The following DHRS1 variants were observed in gnomAD, a reference collection of about 807,000 sequenced individuals.
DHRS1 encodes dehydrogenase/reductase SDR family member 1.
Under a neutral mutation model 35.2 loss-of-function variants are expected in DHRS1, and 34 were observed. That is an observed-to-expected ratio of 0.97 (90% CI 0.74 to 1.29). DHRS1 has a LOEUF of 1.29. Among genes scored for constraint, DHRS1 ranks in the 50% most tolerant of loss-of-function variants. DHRS1 has a pLI of 0.00. For missense variants in DHRS1, 354 were observed against 403.6 expected, an observed-to-expected ratio of 0.88 and a Z score of 1.05; for synonymous variants, 133 against 160.0, an observed-to-expected ratio of 0.83 and a Z score of 1.27.
intron 7 of DHRS1, 110 bp from the exon 8 acceptor site, chr14:24,291,329 T>C (rs1405082510): frequency 8.2e-7 from 1 of 1,226,648 alleles, no homozygotes; most frequent in Non-Finnish European, 1.2e-6. Context: ...TCAGGATCCC[T>C]GGAGAGCTCT....
chr14:24,292,644 G>T lies in DHRS1; in HGVS notation c.507+8C>A. ...ACCTCCTCAGCTCCTATGCCACTGGGTCCTCACCGCAGCTTTGCCCACACC... is the reference window on the plus strand; with the variant it reads ...ACCTCCTCAGCTCCTATGCCACTGGTTCCTCACCGCAGCTTTGCCCACACC... On this transcript the variant is annotated splice_region_variant and intron_variant, in intron 5 of 8. Coordinates refer to ENST00000288111, the MANE Select transcript of DHRS1 (RefSeq NM_001136050.3). 6.2e-7 allele frequency: 1 copy of T among 1,614,190 alleles called. No individual in the cohort carries two copies. The highest frequency in any genetic ancestry group is 8.5e-7 in the Non-Finnish European group (1 of 1,180,030).
At chr14:24,291,694 C>T in intron 6 of DHRS1, 69 bp from the exon 7 acceptor site, 1 of 1,488,624 alleles carries the variant, frequency 6.7e-7, no homozygotes, top group Non-Finnish European at 9.4e-7. Context: ...CTCCCCATTT[C>T]AACTTCTGTT....
At chr14:24,291,749 C>T in intron 6 of DHRS1, 124 bp from the exon 7 acceptor site, 1 of 1,041,052 alleles carries the variant, frequency 9.6e-7, no homozygotes. Context: ...AGACCTCAAG[C>T]AGGGCCTGTA....
intron 4 of DHRS1, chr14:24,293,592 A>ATAAATAAATAAAT (rs55889270): frequency 1.3e-5 from 2 of 151,610 alleles, no homozygotes; most frequent in Non-Finnish European, 2.9e-5. Flanking sequence ...AAATAAATAA[A>ATAAATAAATAAAT]AAGAAAGAGA....
Position 24,290,777 on chromosome 14 carries a change from A to C in DHRS1, c.*82T>G. ...TATCAAGGGTATGGGTAAACAAGAAAGGCTGCTGTTTCACTGAGACAGGAC... is the reference window on the plus strand; with the variant it reads ...TATCAAGGGTATGGGTAAACAAGAACGGCTGCTGTTTCACTGAGACAGGAC... On this transcript the variant is annotated 3_prime_UTR_variant, in exon 9 of 9. Transcript: ENST00000288111. 2 of 1,558,254 alleles carry C rather than the reference A, an allele frequency of 1.3e-6. No homozygotes were observed. Among genetic ancestry groups the C allele is most frequent in the Non-Finnish European group, 1.8e-6 (2 of 1,135,430 alleles).
intron 4 of DHRS1, chr14:24,293,094 A>G (rs2041191043): frequency 3.2e-6 from 1 of 313,516 alleles, no homozygotes; most frequent in Non-Finnish European, 5.8e-6. Context: ...TAGTGTCTAC[A>G]TAGAAAAACT....
At chr14:24,299,194 G>T in intron 1 of DHRS1, 64 bp from the exon 2 acceptor site, 1 of 1,435,140 alleles carries the variant, frequency 7.0e-7, no homozygotes, top group Non-Finnish European at 9.3e-7. Context: ...GGGCGAGGTT[G>T]GGGGGTAGGG....
intron 5 of DHRS1, 57 bp downstream of exon 5, chr14:24,292,595 C>A (rs1310791317): frequency 1.2e-6 from 2 of 1,613,792 alleles, no homozygotes; most frequent in Non-Finnish European, 1.7e-6. Context: ...ACCTCCTGAG[C>A]TATAGGTAAC....
At chr14:24,298,468 A>G (rs1423672415) in intron 2 of DHRS1, among the ~76,000 whole-genome samples, 1 of 152,266 alleles carries the variant, frequency 6.6e-6, no homozygotes, top group East Asian at 1.9e-4. Flanking sequence ...GAAGTCTAGT[A>G]AATAAGTAAA....
intron 4 of DHRS1, chr14:24,294,368 A>G (rs998774610): frequency 1.3e-5 from 2 of 152,140 alleles, no homozygotes; most frequent in African/African-American, 4.8e-5. Flanking sequence ...TGGGTAGATC[A>G]CTTGAGATCA....
At chr14:24,292,086 C>T in intron 6 of DHRS1, 98 bp downstream of exon 6, 2 of 1,476,078 alleles carry the variant, frequency 1.4e-6, no homozygotes, top group Non-Finnish European at 9.4e-7. Context: ...GCACCTGCCA[C>T]AGTAAGCACC....
intron 5 of DHRS1, 96 bp from the exon 6 acceptor site, chr14:24,292,426 G>C: frequency 6.4e-7 from 1 of 1,551,182 alleles, no homozygotes; most frequent in Non-Finnish European, 8.7e-7. Flanking sequence ...CACCCACCCT[G>C]TCCTTCCCAG....
chr14:24,291,273 A>C, intron 7 of DHRS1, 54 bp from the exon 8 acceptor site: 1 of 1,582,142 alleles, frequency 6.3e-7, no homozygotes, highest in Non-Finnish European at 8.7e-7. Flanking sequence ...GCAGAGTGAC[A>C]AGGTTTGGGC....
chr14:24,291,098 G>A (rs997121611), intron 8 of DHRS1, 41 bp downstream of exon 8: 1 of 1,613,582 alleles, frequency 6.2e-7, no homozygotes, highest in Non-Finnish European at 8.5e-7. Flanking sequence ...GGGAACAGAG[G>A]GAACAGCAGT....
At chr14:24,297,994 T>C (rs1444676618) in intron 2 of DHRS1, among the ~76,000 whole-genome samples, 1 of 152,204 alleles carries the variant, frequency 6.6e-6, no homozygotes, top group African/African-American at 2.4e-5. Flanking sequence ...CACATTACAT[T>C]GAAGTGACTG....
In DHRS1 at chr14:24,291,138, C is replaced by T; in HGVS notation, c.805+1G>A. The stretch of plus-strand genomic sequence containing the variant: ...GCTGACTGCTGTGCCAGGGTCCTCA[C>T]CGTCCACATCCCGAAGGCCATAGCG... On this transcript the variant is annotated splice_donor_variant, in intron 8 of 8. Transcript: ENST00000288111. LOFTEE classifies it high-confidence loss of function. The T allele has an allele frequency of 6.2e-7, 1 of 1,614,136 alleles. No homozygotes were observed. The highest frequency in any genetic ancestry group is 1.3e-5 in the African/African-American group (1 of 75,038).
intron 3 of DHRS1, 33 bp from the exon 4 acceptor site, chr14:24,296,621 G>A: frequency 1.2e-6 from 2 of 1,613,880 alleles, no homozygotes; most frequent in Non-Finnish European, 1.7e-6. Context: ...TGAATGATCT[G>A]AAGGTAGGGA....
chr14:24,295,229 A>ATT (rs567245872), intron 4 of DHRS1, among the ~76,000 whole-genome samples: 1 of 152,204 alleles, frequency 6.6e-6, no homozygotes, highest in Non-Finnish European at 1.5e-5. Context: ...ATGCCAGGCT[A>ATT]TTAATAGTAG....
chr14:24,293,694 T>G (rs561290536), intron 4 of DHRS1: 38 of 151,894 alleles, frequency 2.5e-4, no homozygotes, highest in Non-Finnish European at 4.9e-4. Flanking sequence ...TCACCCATAT[T>G]AAAATGCACA....
Sources: allele counts gnomAD v4.1 joint callset (sites outside exome capture counted in the v4.1 genomes callset), GRCh38; gene constraint gnomAD v4.1.1; transcripts MANE v1.5; gene names NCBI Gene and HGNC (gene_info 2026-07-23, HGNC 2026-07-21).